Variants in FAM184A observed in about 807,000 individuals in gnomAD.
FAM184A encodes the protein family with sequence similarity 184 member A, also known as protein FAM184A.
A neutral mutation model predicts 143.8 loss-of-function variants in FAM184A; 99 were observed. The observed-to-expected ratio is 0.69, with a 90% CI of 0.58 to 0.81. The LOEUF is 0.81. Among genes scored for constraint, FAM184A ranks in the 40% least tolerant of loss-of-function variants. The pLI, the probability that FAM184A is intolerant of heterozygous loss-of-function variation, is 0.00. For missense variants in FAM184A, 1,217 were observed against 1,310.5 expected, an observed-to-expected ratio of 0.93 and a Z score of 1.10; for synonymous variants, 427 against 446.4, an observed-to-expected ratio of 0.96 and a Z score of 0.55.
chr6:119,057,981 A>G (rs910963257), intron 1 of FAM184A: 1 of 151,410 alleles, frequency 6.6e-6, no homozygotes, highest in Non-Finnish European at 1.5e-5. Context: ...TTAAAAAAAA[A>G]AAAAAAAAAC....
chr6:119,014,275 T>G (rs1304750939), intron 5 of FAM184A, among the ~76,000 whole-genome samples: 1 of 152,276 alleles, frequency 6.6e-6, no homozygotes, highest in Non-Finnish European at 1.5e-5. Context: ...ACACTTTATC[T>G]GACTTAATCC....
At chr6:119,003,743 T>C (rs1784837877) in intron 7 of FAM184A, 121 bp from the exon 8 acceptor site, 2 of 907,090 alleles carry the variant, frequency 2.2e-6, no homozygotes, top group Non-Finnish European at 3.0e-6. Flanking sequence ...GCCCAATACT[T>C]GATAATGCTA....
intron 1 of FAM184A, among the ~76,000 whole-genome samples, chr6:119,131,479 T>C (rs1024885970): frequency 6.6e-6 from 1 of 152,102 alleles, no homozygotes; most frequent in Non-Finnish European, 1.5e-5. Context: ...AGGGCACTCA[T>C]ACTTTTATTT....
At chr6:119,039,003 T>G (rs1786217876) in intron 1 of FAM184A, among the ~76,000 whole-genome samples, 1 of 152,174 alleles carries the variant, frequency 6.6e-6, no homozygotes, top group Non-Finnish European at 1.5e-5. Context: ...GCAAAATATC[T>G]CAATAAATAC....
At chr6:119,068,362 T>C (rs1176240392) in intron 1 of FAM184A, among the ~76,000 whole-genome samples, 3 of 152,192 alleles carry the variant, frequency 2.0e-5, no homozygotes, top group Non-Finnish European at 4.4e-5. Context: ...AAACCTACTT[T>C]ATTGTTAAAG....
chr6:119,128,620 T>A (rs1457050628), intron 1 of FAM184A, among the ~76,000 whole-genome samples: 1 of 151,456 alleles, frequency 6.6e-6, no homozygotes, highest in African/African-American at 2.4e-5. Flanking sequence ...AATAAAAGGG[T>A]GAGTGGGGAG....
intron 4 of FAM184A, among the ~76,000 whole-genome samples, chr6:119,019,550 C>T (rs1785373727): frequency 6.6e-6 from 1 of 152,202 alleles, no homozygotes; most frequent in Non-Finnish European, 1.5e-5. Context: ...TGATGTTTCA[C>T]TTGTTAAACT....
intron 14 of FAM184A, among the ~76,000 whole-genome samples, chr6:118,971,963 G>C (rs998902053): frequency 3.9e-5 from 6 of 152,142 alleles, no homozygotes; most frequent in African/African-American, 1.4e-4. Context: ...TGCCTTCCAG[G>C]AATCCACAGG....
intron 1 of FAM184A, among the ~76,000 whole-genome samples, chr6:119,035,467 T>C (rs1786073959): frequency 6.6e-6 from 1 of 152,184 alleles, no homozygotes; most frequent in African/African-American, 2.4e-5. Flanking sequence ...ACTGAAGTAT[T>C]TCACTCCAAA....
intron 17 of FAM184A, among the ~76,000 whole-genome samples, chr6:118,960,503 A>C (rs187381479): frequency 3.2e-3 from 493 of 152,312 alleles, no homozygotes; most frequent in Non-Finnish European, 3.8e-3. Context: ...GAGAGAATAA[A>C]ATAATGGTCC....
chr6:119,064,810 C>G (rs977031158), intron 1 of FAM184A, among the ~76,000 whole-genome samples: 5 of 152,188 alleles, frequency 3.3e-5, no homozygotes, highest in Non-Finnish European at 7.3e-5. Flanking sequence ...TCAGCTCTTT[C>G]CTTCTCTTTT....
At chr6:118,985,801 C>G (rs1271506724) in intron 9 of FAM184A, among the ~76,000 whole-genome samples, 1 of 152,130 alleles carries the variant, frequency 6.6e-6, no homozygotes, top group Non-Finnish European at 1.5e-5. Flanking sequence ...AAACTGCTAG[C>G]CTATCAGTCT....
chr6:118,977,642 T>C (rs959289894), intron 11 of FAM184A, among the ~76,000 whole-genome samples: 2 of 152,186 alleles, frequency 1.3e-5, no homozygotes, highest in Non-Finnish European at 2.9e-5. Context: ...ATTCTTAACC[T>C]GACAAAATCA....
chr6:119,019,385 G>A (rs1785369240), intron 4 of FAM184A, among the ~76,000 whole-genome samples: 1 of 152,136 alleles, frequency 6.6e-6, no homozygotes, highest in Admixed American at 6.5e-5. Flanking sequence ...ACCAGGTTAA[G>A]GAATGAATGG....
chr6:118,991,386 C>G (rs1784372272), intron 9 of FAM184A, among the ~76,000 whole-genome samples: 1 of 151,940 alleles, frequency 6.6e-6, no homozygotes, highest in Admixed American at 6.6e-5. Flanking sequence ...GTCACGAACT[C>G]CTGACCTCAA....
chr6:118,991,923 C>T (rs766340097), intron 9 of FAM184A, among the ~76,000 whole-genome samples: 7 of 151,532 alleles, frequency 4.6e-5, no homozygotes, highest in East Asian at 1.9e-4. Context: ...CCACCACGCC[C>T]GGCTAATTTT....
At chr6:119,070,389 C>A (rs1438986061) in intron 1 of FAM184A, among the ~76,000 whole-genome samples, 2 of 152,052 alleles carry the variant, frequency 1.3e-5, no homozygotes, top group African/African-American at 4.8e-5. Context: ...ATACAACTGG[C>A]AATCTCCAAC....
At chr6:119,061,756 C>T (rs569677438) in intron 1 of FAM184A, among the ~76,000 whole-genome samples, 60 of 151,762 alleles carry the variant, frequency 4.0e-4, no homozygotes, top group Non-Finnish European at 7.9e-4. Flanking sequence ...CTTATAAAAA[C>T]GTGATGAGAG....
chr6:119,001,875 A>G (rs1271579060), intron 9 of FAM184A, among the ~76,000 whole-genome samples: 2 of 152,220 alleles, frequency 1.3e-5, no homozygotes, highest in African/African-American at 2.4e-5. Context: ...GGAATGTAAA[A>G]TAAGTCTATC....
Sources: allele counts gnomAD v4.1 joint callset (sites outside exome capture counted in the v4.1 genomes callset), GRCh38; gene constraint gnomAD v4.1.1; transcripts MANE v1.5; gene names NCBI Gene and HGNC (gene_info 2026-07-23, HGNC 2026-07-21).